BAZ2B: variants seen among roughly 807,000 people sequenced by gnomAD.
BAZ2B encodes the protein bromodomain adjacent to zinc finger domain 2B, also known as bromodomain adjacent to zinc finger domain protein 2B.
A neutral mutation model predicts 246.0 loss-of-function variants in BAZ2B; 91 were observed. That is an observed-to-expected ratio of 0.37 (90% CI 0.31 to 0.44). BAZ2B has a LOEUF of 0.44. Ranked by LOEUF, BAZ2B falls within the 20% of genes least tolerant of loss-of-function variation. The probability of loss-of-function intolerance (pLI) is 1.00; values close to 1 mark genes in which losing one functional copy is unlikely to be tolerated. For synonymous variants in BAZ2B, 855 were observed against 860.0 expected (o/e 0.99, Z 0.10); for missense variants, 2,332 against 2,533.7 (o/e 0.92, Z 1.71).
intron 20 of BAZ2B, chr2:159,395,469 A>C (rs2063885533): frequency 5.0e-6 from 1 of 200,320 alleles, no homozygotes; most frequent in Non-Finnish European, 1.0e-5. Flanking sequence ...ATGCTGTAAT[A>C]CTAGTTTTGT....
At chr2:159,712,047 G>C in the BAZ2B span, 1 of 140,968 alleles carries the variant, frequency 7.1e-6, no homozygotes, top group Non-Finnish European at 1.5e-5. Context: ...GGCAGTGCTT[G>C]ATTCAATTCA....
chr2:159,361,897 T>A (rs2059739087), intron 27 of BAZ2B, among the ~76,000 whole-genome samples: 1 of 150,884 alleles, frequency 6.6e-6, no homozygotes, highest in African/African-American at 2.4e-5. Flanking sequence ...TAAGTGGGCG[T>A]TGAACGATGA....
intron 1 of BAZ2B, among the ~76,000 whole-genome samples, chr2:159,570,612 C>A (rs979223020): frequency 2.6e-5 from 4 of 151,772 alleles, no homozygotes; most frequent in Non-Finnish European, 5.9e-5. Flanking sequence ...TTGACTGACC[C>A]TTTCCTGTCA....
At chr2:159,589,475 G>C (rs985064285) in intron 1 of BAZ2B, among the ~76,000 whole-genome samples, 2 of 151,712 alleles carry the variant, frequency 1.3e-5, no homozygotes, top group African/African-American at 4.8e-5. Context: ...CACACTGTGA[G>C]GAAAAAATGA....
chr2:159,610,170 C>T (rs1471522915), intron 1 of BAZ2B, among the ~76,000 whole-genome samples: 2 of 152,174 alleles, frequency 1.3e-5, no homozygotes, highest in Admixed American at 6.5e-5. Context: ...AAAATCTCTG[C>T]AGCATACTCA....
intron 2 of BAZ2B, among the ~76,000 whole-genome samples, chr2:159,496,036 T>C (rs971439704): frequency 1.3e-5 from 2 of 150,722 alleles, no homozygotes; most frequent in Admixed American, 6.6e-5. Context: ...CCCAAAGTGC[T>C]GGGATTACAG....
intron 1 of BAZ2B, among the ~76,000 whole-genome samples, chr2:159,578,276 C>T (rs1685831153): frequency 6.6e-6 from 1 of 152,086 alleles, no homozygotes; most frequent in South Asian, 2.1e-4. Context: ...GCTTCAAATA[C>T]TTTTAATGGA....
the BAZ2B span, among the ~76,000 whole-genome samples, chr2:159,651,048 C>T: frequency 6.6e-6 from 1 of 150,902 alleles, no homozygotes; most frequent in East Asian, 1.9e-4. Context: ...ATTAACTAGC[C>T]TTAAAATTCC....
At chr2:159,346,716 C>A (rs554461761) in intron 31 of BAZ2B, among the ~76,000 whole-genome samples, 7 of 152,062 alleles carry the variant, frequency 4.6e-5, no homozygotes, top group East Asian at 3.9e-4. Flanking sequence ...AAACAAAAAA[C>A]CCCCAAACCA....
At chr2:159,369,868 C>G (rs530784591) in intron 27 of BAZ2B, among the ~76,000 whole-genome samples, 1 of 152,134 alleles carries the variant, frequency 6.6e-6, no homozygotes, top group Admixed American at 6.5e-5. Context: ...ATTTATATTC[C>G]GTTGGGTATA....
At chr2:159,392,326 C>T (rs1164320381) in intron 20 of BAZ2B, 2 of 152,076 alleles carry the variant, frequency 1.3e-5, no homozygotes, top group African/African-American at 4.8e-5. Flanking sequence ...GTTCCTCCTC[C>T]TTCACAAGAA....
intron 23 of BAZ2B, among the ~76,000 whole-genome samples, chr2:159,384,332 ATAT>A (rs1031818711): frequency 2.0e-5 from 3 of 152,094 alleles, no homozygotes; most frequent in East Asian, 3.9e-4. Flanking sequence ...TAAGACGTGA[ATAT>A]TATTATATTT....
intron 2 of BAZ2B, among the ~76,000 whole-genome samples, chr2:159,485,858 T>A (rs914619908): frequency 6.6e-6 from 1 of 152,086 alleles, no homozygotes; most frequent in Non-Finnish European, 1.5e-5. Context: ...TGTTAAATCT[T>A]TTAAAGATTT....
intron 2 of BAZ2B, among the ~76,000 whole-genome samples, chr2:159,542,031 C>A (rs752814412): frequency 7.9e-5 from 12 of 151,986 alleles, no homozygotes; most frequent in Non-Finnish European, 1.3e-4. Context: ...GTTATGATAG[C>A]TAAAATGAAA....
intron 1 of BAZ2B, among the ~76,000 whole-genome samples, chr2:159,603,022 AG>A (rs1692531777): frequency 6.6e-6 from 1 of 152,236 alleles, no homozygotes; most frequent in Non-Finnish European, 1.5e-5. Context: ...CACTAGTCCC[AG>A]CTACTTGGGA....
Position 159,349,030 on chromosome 2 carries a change from G to C in BAZ2B, c.5114C>G (p.Pro1705Arg), listed in dbSNP as rs762652374. 1.2e-6 allele frequency: 2 copies of C among 1,613,986 alleles called. No individual in the cohort carries two copies. The highest frequency in any genetic ancestry group is 1.3e-5 in the African/African-American group (1 of 74,936). Residue 1705 changes from proline (P) to arginine (R), a missense_variant, in exon 29 of 37, where the codon CCT becomes CGT. This residue lies in a region of BAZ2B where 676 missense variants were observed against 668.6 expected (regional missense o/e 1.01). Transcript: ENST00000392783. ...AVEVAKPVDF[P>R]SPKPIPEEMQ... is the part of the protein sequence containing the mutation. Reference sequence around the variant, plus strand: ...ACCTTCTGGAATAGGTTTTGGACTAGGAAAATCTACTGGTTTTGCTACTTC... The same window carrying C: ...ACCTTCTGGAATAGGTTTTGGACTACGAAAATCTACTGGTTTTGCTACTTC...
At chr2:159,611,318 A>G (rs967310345) in intron 1 of BAZ2B, among the ~76,000 whole-genome samples, 3 of 151,902 alleles carry the variant, frequency 2.0e-5, no homozygotes, top group African/African-American at 7.2e-5. Context: ...CCTTAATTTG[A>G]TTTATATGAA....
intron 1 of BAZ2B, among the ~76,000 whole-genome samples, chr2:159,563,711 G>A (rs779433340): frequency 2.9e-4 from 44 of 151,948 alleles, no homozygotes; most frequent in African/African-American, 6.5e-4. Context: ...ACAGAGTTTC[G>A]GATTTGGAAG....
the BAZ2B span, among the ~76,000 whole-genome samples, chr2:159,642,064 T>C: frequency 5.2e-3 from 788 of 152,224 alleles, 12 homozygotes; most frequent in African/African-American, 0.018. Flanking sequence ...CTGCTCAAGT[T>C]CTATTAAGAT....
Sources: allele counts gnomAD v4.1 joint callset (sites outside exome capture counted in the v4.1 genomes callset), GRCh38; gene constraint gnomAD v4.1.1; regional missense constraint gnomAD v4.1.1; transcripts MANE v1.5; gene names NCBI Gene and HGNC (gene_info 2026-07-23, HGNC 2026-07-21).